The following RUNX3 variants were observed in gnomAD, a reference collection of about 807,000 sequenced individuals.
RUNX3 encodes RUNX family transcription factor 3.
A neutral mutation model predicts 27.7 loss-of-function variants in RUNX3; 10 were observed. The ratio of observed to expected loss-of-function variants is 0.36; its 90% confidence interval spans 0.22 to 0.61. RUNX3 has a LOEUF of 0.61. RUNX3 is among the 20% of genes least tolerant of loss of function. The pLI is 0.72. For missense variants in RUNX3, 469 were observed against 629.5 expected, an observed-to-expected ratio of 0.75 and a Z score of 2.73; for synonymous variants, 270 against 269.2, an observed-to-expected ratio of 1.00 and a Z score of -0.03.
chr1:24,964,495 C>T, intron 2 of RUNX3: 2 of 1,601,002 alleles, frequency 1.2e-6, no homozygotes, highest in Non-Finnish European at 8.5e-7. Context: ...ACCCAGGGCC[C>T]TGGGCTATTG....
chr1:24,919,145 C>G, intron 3 of RUNX3, 95 bp downstream of exon 3: 4 of 724,194 alleles, frequency 5.5e-6, no homozygotes, highest in Non-Finnish European at 9.0e-6. Flanking sequence ...TGCAACCCCC[C>G]GAGGAGGGCT....
chr1:24,958,457 G>T (rs1389929626), intron 2 of RUNX3, among the ~76,000 whole-genome samples: 4 of 152,180 alleles, frequency 2.6e-5, no homozygotes, highest in African/African-American at 7.2e-5. Flanking sequence ...ATGAGGAGGG[G>T]AACTCTCTGC....
chr1:24,903,304 A>C (rs1640603080), intron 4 of RUNX3, among the ~76,000 whole-genome samples: 1 of 152,168 alleles, frequency 6.6e-6, no homozygotes, highest in Admixed American at 6.5e-5. Context: ...GGTTGTGGGC[A>C]CTGAGTTCAC....
intron 3 of RUNX3, among the ~76,000 whole-genome samples, chr1:24,913,307 C>A (rs1557839481): frequency 6.6e-6 from 1 of 152,202 alleles, no homozygotes; most frequent in Non-Finnish European, 1.5e-5. Flanking sequence ...TATGGGAGGG[C>A]AGATCCCAGC....
chr1:24,940,078 G>A lies in RUNX3; in HGVS notation c.59-10226C>T, dbSNP rs545657346. Among the ~76,000 whole-genome samples, 3 of 152,344 alleles carry A rather than the reference G, an allele frequency of 2.0e-5. No individual in the cohort carries two copies. In the South Asian group the frequency reaches 6.2e-4, roughly 32 times the overall value. ...CCCTGGAGGAGAGCAGGCTTGGGGGGTAAGAGCTCCTCTGGCAGATCTATG... is the reference window on the plus strand; with the variant it reads ...CCCTGGAGGAGAGCAGGCTTGGGGGATAAGAGCTCCTCTGGCAGATCTATG... On this transcript the variant is annotated intron_variant, in intron 2 of 6. Transcript: ENST00000338888.
At chr1:24,925,466 G>C (rs1557844675) in intron 2 of RUNX3, among the ~76,000 whole-genome samples, 1 of 152,176 alleles carries the variant, frequency 6.6e-6, no homozygotes, top group East Asian at 1.9e-4. Context: ...TGATACACTT[G>C]TGTCAATTTC....
intron 3 of RUNX3, among the ~76,000 whole-genome samples, chr1:24,909,664 C>T (rs1640759497): frequency 6.6e-6 from 1 of 152,244 alleles, no homozygotes; most frequent in South Asian, 2.1e-4. Context: ...ACATTTCAGT[C>T]CTTCTCAAGC....
At chr1:24,936,732 T>C (rs1641357026) in intron 2 of RUNX3, among the ~76,000 whole-genome samples, 1 of 152,128 alleles carries the variant, frequency 6.6e-6, no homozygotes, top group Non-Finnish European at 1.5e-5. Flanking sequence ...GCCAGGCCCA[T>C]TAGGGATTTT....
At chr1:24,936,140 A>G (rs1464555761) in intron 2 of RUNX3, among the ~76,000 whole-genome samples, 1 of 152,240 alleles carries the variant, frequency 6.6e-6, no homozygotes, top group East Asian at 1.9e-4. Flanking sequence ...TCTGGGAAAC[A>G]TGTGCCCTTC....
upstream of RUNX3, among the ~76,000 whole-genome samples, chr1:24,931,363 C>T (rs1166485718): frequency 2.6e-5 from 4 of 152,206 alleles, no homozygotes; most frequent in East Asian, 7.7e-4. Context: ...AGCCGCGTGG[C>T]CCAACCTCTC....
intron 2 of RUNX3, among the ~76,000 whole-genome samples, chr1:24,959,121 C>T (rs1243086659): frequency 1.3e-5 from 2 of 152,218 alleles, no homozygotes; most frequent in East Asian, 1.9e-4. Flanking sequence ...TATCCGTCTC[C>T]CGGCCTCCTC....
chr1:24,924,233 T>C (rs1259903948), intron 2 of RUNX3, among the ~76,000 whole-genome samples: 1 of 152,060 alleles, frequency 6.6e-6, no homozygotes, highest in Non-Finnish European at 1.5e-5. Context: ...AAAAATCAGC[T>C]GAGCATGGTG....
chr1:24,946,327 CCTT>C (rs1641605487), intron 2 of RUNX3, among the ~76,000 whole-genome samples: 1 of 152,156 alleles, frequency 6.6e-6, no homozygotes, highest in South Asian at 2.1e-4. Context: ...GGGTGTTCAG[CCTT>C]CTGCTCTTCT....
chr1:24,914,586 G>C (rs1360750358), intron 3 of RUNX3, among the ~76,000 whole-genome samples: 1 of 152,206 alleles, frequency 6.6e-6, no homozygotes, highest in Non-Finnish European at 1.5e-5. Context: ...AGGGCTGCAA[G>C]TGGGGCTTCC....
intron 1 of RUNX3, 41 bp downstream of exon 1, chr1:24,929,546 C>G: frequency 6.6e-7 from 1 of 1,519,612 alleles, no homozygotes; most frequent in African/African-American, 1.9e-5. Context: ...ACGCCCGGAG[C>G]CCCAGGGCCG....
At position 24,962,897 on chromosome 1, in the gene RUNX3, T is replaced by A. The variant is rs1237194131; in HGVS notation, c.58+1617A>T. Reference sequence around the variant, plus strand: ...TTGTTTTAAACCCTACATTTCTCCATCTTGCGCACGGAAGGAGAAATACAG... The same window carrying A: ...TTGTTTTAAACCCTACATTTCTCCAACTTGCGCACGGAAGGAGAAATACAG... On this transcript the variant is annotated intron_variant, in intron 2 of 6. Transcript: ENST00000338888. This position sits in a 1 kb window ranked among gnomAD's most constrained non-coding sequence, Gnocchi z 4.5. 1 of 152,214 alleles carries A rather than the reference T, an allele frequency of 6.6e-6. No homozygotes were observed. Among genetic ancestry groups the A allele is most frequent in the Non-Finnish European group, 1.5e-5 (1 of 68,034 alleles). 9.4% of individuals were successfully genotyped at this position (152,214 alleles called of 1,614,324 possible). A position where few individuals can be genotyped will look rare whatever the true frequency, so the allele number is the denominator to read the frequency against.
intron 3 of RUNX3, among the ~76,000 whole-genome samples, chr1:24,917,177 T>C (rs1156699579): frequency 1.3e-5 from 2 of 152,134 alleles, no homozygotes; most frequent in Non-Finnish European, 2.9e-5. Flanking sequence ...TCCCTCTTTC[T>C]GGAGTGGCTC....
intron 2 of RUNX3, among the ~76,000 whole-genome samples, chr1:24,952,297 T>C (rs995165088): frequency 6.6e-6 from 1 of 152,170 alleles, no homozygotes; most frequent in African/African-American, 2.4e-5. Flanking sequence ...AAGTGGACTT[T>C]GCACACACCA....
intron 2 of RUNX3, among the ~76,000 whole-genome samples, chr1:24,959,624 C>T (rs1458839323): frequency 6.6e-6 from 1 of 152,166 alleles, no homozygotes; most frequent in Non-Finnish European, 1.5e-5. Context: ...AGAGAGTCCC[C>T]TGTTATTGGA....
Sources: allele counts gnomAD v4.1 joint callset (sites outside exome capture counted in the v4.1 genomes callset), GRCh38; gene constraint gnomAD v4.1.1; non-coding constraint Gnocchi (gnomAD v3.1); transcripts MANE v1.5; gene names NCBI Gene and HGNC (gene_info 2026-07-23, HGNC 2026-07-21).